ZSCAN25: variants seen among roughly 807,000 people sequenced by gnomAD.
ZSCAN25 encodes zinc finger and SCAN domain containing 25.
ZSCAN25 carries 27 observed loss-of-function variants against 38.7 expected under a neutral mutation model. The ratio of observed to expected loss-of-function variants is 0.70; its 90% CI spans 0.51 to 0.96. The LOEUF is 0.96. ZSCAN25 is among the 40% of genes least tolerant of loss of function. The pLI is 0.00. For synonymous variants in ZSCAN25, 273 were observed against 277.7 expected, an observed-to-expected ratio of 0.98 and a Z score of 0.17; for missense variants, 637 against 705.9, an observed-to-expected ratio of 0.90 and a Z score of 1.11.
the ZSCAN25 span, chr7:99,710,618 T>C: frequency 1.3e-6 from 2 of 1,560,270 alleles, no homozygotes; most frequent in East Asian, 2.3e-5. Flanking sequence ...CTACATATTG[T>C]GAATGAAACA....
At chr7:99,647,662 T>TAGG in the ZSCAN25 span, 1 of 985,346 alleles carries the variant, frequency 1.0e-6, no homozygotes, top group Non-Finnish European at 1.2e-6. Context: ...AAACTATGAA[T>TAGG]ATTTTCTCCA....
the ZSCAN25 span, chr7:99,638,614 G>T: frequency 1.3e-6 from 2 of 1,583,612 alleles, no homozygotes; most frequent in South Asian, 2.2e-5. Flanking sequence ...GTAAGTCACT[G>T]TCTCCACGTT....
At chr7:99,689,123 C>A in the ZSCAN25 span, among the ~76,000 whole-genome samples, 1 of 152,126 alleles carries the variant, frequency 6.6e-6, no homozygotes, top group African/African-American at 2.4e-5. Flanking sequence ...AAAGCAAGAG[C>A]AAACACATTC....
the ZSCAN25 span, chr7:99,695,766 T>C: frequency 6.2e-7 from 1 of 1,613,506 alleles, no homozygotes; most frequent in East Asian, 2.2e-5. Flanking sequence ...GACAAAGTAG[T>C]TCCCAAAAAA....
At chr7:99,638,513 G>A in the ZSCAN25 span, 1 of 1,501,820 alleles carries the variant, frequency 6.7e-7, no homozygotes, top group Non-Finnish European at 9.3e-7. Context: ...CCACTACGAA[G>A]ATCAGACCTT....
At position 99,630,758 on chromosome 7, in the gene ZSCAN25, C is replaced by G; in HGVS notation, c.*738C>G. On this transcript the variant is annotated 3_prime_UTR_variant, in exon 8 of 8. Transcript: ENST00000394152. Reference sequence around the variant, plus strand: ...ATCCTCATCTGTAAAACTTCCCCGTCCATTATTCCTTGCACTATAACAACT... The same window carrying G: ...ATCCTCATCTGTAAAACTTCCCCGTGCATTATTCCTTGCACTATAACAACT... The G allele has an allele frequency of 1.0e-6, 1 of 985,392 alleles. No individual in the cohort carries two copies. Among genetic ancestry groups the G allele is most frequent in the Non-Finnish European group, 1.2e-6 (1 of 829,936 alleles). 61.0% of individuals were successfully genotyped at this position (985,392 alleles called of 1,614,324 possible).
the ZSCAN25 span, chr7:99,676,541 G>T: frequency 7.3e-7 from 1 of 1,363,438 alleles, no homozygotes; most frequent in Admixed American, 1.9e-5. Flanking sequence ...TGTCTGTTTA[G>T]TAAGTGGACT....
the ZSCAN25 span, among the ~76,000 whole-genome samples, chr7:99,718,114 G>A: frequency 2.0e-5 from 3 of 152,048 alleles, no homozygotes; most frequent in Admixed American, 1.3e-4. Context: ...ACACACTGGG[G>A]CCTGTTGTGG....
intron 7 of ZSCAN25, among the ~76,000 whole-genome samples, chr7:99,627,869 G>T (rs1382421386): frequency 6.6e-6 from 1 of 152,016 alleles, no homozygotes; most frequent in Non-Finnish European, 1.5e-5. Context: ...GCAGGGTATA[G>T]TGATGGAGGA....
At chr7:99,663,100 A>G in the ZSCAN25 span, 1 of 1,271,580 alleles carries the variant, frequency 7.9e-7, no homozygotes, top group South Asian at 1.9e-5. Flanking sequence ...TATCATGTCC[A>G]ATTGCTTTTT....
intron 7 of ZSCAN25, 143 bp downstream of exon 7, chr7:99,624,323 C>A: frequency 1.1e-6 from 1 of 929,452 alleles, no homozygotes; most frequent in Non-Finnish European, 1.6e-6. Context: ...GACCATGGGG[C>A]ACGAGGAGCT....
the ZSCAN25 span, among the ~76,000 whole-genome samples, chr7:99,723,376 C>A: frequency 6.3e-3 from 952 of 152,276 alleles, 7 homozygotes; most frequent in Non-Finnish European, 9.2e-3. Context: ...CACCTTGTGA[C>A]CCCCTCCTCT....
At chr7:99,707,694 C>G in the ZSCAN25 span, 887 of 1,502,722 alleles carry the variant, frequency 5.9e-4, 3 homozygotes, top group African/African-American at 0.011. Context: ...AAATAGATTC[C>G]TTGGCCCATA....
chr7:99,677,322 A>G, the ZSCAN25 span: 2 of 872,112 alleles, frequency 2.3e-6, no homozygotes, highest in African/African-American at 1.8e-5. Context: ...AGTTGGCTCC[A>G]GAGAGGCAAA....
chr7:99,727,524 C>T, the ZSCAN25 span, among the ~76,000 whole-genome samples: 2 of 152,186 alleles, frequency 1.3e-5, no homozygotes, highest in African/African-American at 4.8e-5. Context: ...TGATACCACA[C>T]CTTATCCCCA....
At chr7:99,731,225 T>C in the ZSCAN25 span, 9 of 1,561,040 alleles carry the variant, frequency 5.8e-6, no homozygotes, top group South Asian at 1.0e-4. Flanking sequence ...AGTCACTGAC[T>C]GAGGAACTGG....
At chr7:99,654,971 G>C in the ZSCAN25 span, among the ~76,000 whole-genome samples, 4 of 152,180 alleles carry the variant, frequency 2.6e-5, no homozygotes, top group Admixed American at 2.6e-4. Flanking sequence ...GTAGATTCTG[G>C]ATATTAGCCC....
chr7:99,721,821 T>G, the ZSCAN25 span, among the ~76,000 whole-genome samples: 1 of 152,210 alleles, frequency 6.6e-6, no homozygotes, highest in South Asian at 2.1e-4. Context: ...AAGAAGGCTA[T>G]GATGAGTGGA....
chr7:99,728,040 C>A, the ZSCAN25 span, among the ~76,000 whole-genome samples: 1 of 152,192 alleles, frequency 6.6e-6, no homozygotes, highest in East Asian at 1.9e-4. Context: ...AAGAAGCAAC[C>A]AGTATTCCTA....
Sources: allele counts gnomAD v4.1 joint callset (sites outside exome capture counted in the v4.1 genomes callset), GRCh38; gene constraint gnomAD v4.1.1; transcripts MANE v1.5; gene names NCBI Gene and HGNC (gene_info 2026-07-23, HGNC 2026-07-21).